The following CCDC40 variants were observed in gnomAD, a reference collection of about 807,000 sequenced individuals.
The protein encoded by CCDC40 is coiled-coil domain 40 molecular ruler complex subunit.
CCDC40 carries 104 observed loss-of-function variants against 124.5 expected under a neutral mutation model. The ratio of observed to expected loss-of-function variants is 0.84; its 90% CI spans 0.71 to 0.98. CCDC40 has a LOEUF of 0.98. CCDC40 is among the 50% of genes least tolerant of loss of function. CCDC40 has a pLI of 0.00. For missense variants in CCDC40, 1,463 were observed against 1,503.9 expected, an observed-to-expected ratio of 0.97 and a Z score of 0.45; for synonymous variants, 580 against 602.9, an observed-to-expected ratio of 0.96 and a Z score of 0.56.
intron 10 of CCDC40, among the ~76,000 whole-genome samples, chr17:80,069,084 T>C (rs1193775348): frequency 6.6e-6 from 1 of 152,120 alleles, no homozygotes; most frequent in Non-Finnish European, 1.5e-5. Context: ...TCCTCCCTCC[T>C]GACACCCATG....
intron 16 of CCDC40, among the ~76,000 whole-genome samples, chr17:80,089,226 T>A (rs546047921): frequency 1.9e-4 from 29 of 152,182 alleles, no homozygotes; most frequent in Non-Finnish European, 3.5e-4. Context: ...CGTGGGCCCA[T>A]ATCTCCCTGT....
chr17:80,086,183 C>T lies in CCDC40; in HGVS notation c.2416C>T (p.His806Tyr). 6.2e-7 allele frequency: 1 copy of T among 1,612,976 alleles called. No individual in the cohort carries two copies. The highest frequency in any genetic ancestry group is 1.3e-5 in the African/African-American group (1 of 74,990). The change falls in exon 14 of 20, where the codon CAC (histidine) becomes TAC (tyrosine). Residue 806 changes from histidine to tyrosine, a missense_variant. Coordinates refer to ENST00000397545, the MANE Select transcript of CCDC40 (RefSeq NM_017950.4). The surrounding 1 kb of genome is among the most constrained non-coding windows in gnomAD (Gnocchi z 5.5). The part of the protein sequence containing the change: ...ASLDASKKEL[H>Y]IMEQKKLRVE... ...CCTGGACGCATCCAAGAAGGAGCTC[C>T]ACATCATGGAGCAGAAGAAACTACG...
rs777362493 is a variant in CCDC40 at position 80,050,094 on chromosome 17, C to T, written c.970C>T (p.Arg324Trp). The T allele has an allele frequency of 7.4e-6, 12 of 1,613,966 alleles. No homozygotes were observed. The highest frequency in any genetic ancestry group is 3.3e-5 in the South Asian group (3 of 91,068). ...VVATKQSRAQRQELGVNLYEV... is the reference protein window; with the variant it reads ...VVATKQSRAQWQELGVNLYEV... ...GGCTACCAAGCAGAGCCGAGCCCAG[C>T]GGCAGGAGCTGGGGGTGAATCTCTA... The change falls in exon 7 of 20, where the codon CGG (arginine) becomes TGG (tryptophan). Residue 324 changes from arginine (R) to tryptophan (W), a missense_variant. Coordinates refer to ENST00000397545, the MANE Select transcript of CCDC40 (RefSeq NM_017950.4).
intron 5 of CCDC40, 114 bp from the exon 6 acceptor site, chr17:80,049,792 A>G (rs2037531130): frequency 1.2e-6 from 1 of 821,518 alleles, no homozygotes; most frequent in Admixed American, 1.9e-5. Flanking sequence ...AGCACTCCAC[A>G]CGGAAGTCGT....
chr17:80,039,814 G>A lies in CCDC40; in HGVS notation c.96G>A (p.Val32=). ...TTTTTCCTGCCACACCTTTACAGGT[G>A]TCACCACCAGAGAAGGATGATGGCC... ...EKEGNNESHM[V]SPPEKDDGQK... The change falls in exon 3 of 20, where the codon GTG becomes GTA. Residue 32 remains valine (V), a splice_region_variant and synonymous_variant. Transcript: ENST00000397545. 6.2e-7 allele frequency: 1 copy of A among 1,613,474 alleles called. No homozygotes were observed.
At position 80,087,003 on chromosome 17, in the gene CCDC40, T is replaced by C. The variant is rs2038601261; in HGVS notation, c.2450-604T>C. The stretch of plus-strand genomic sequence containing the variant: ...GCTGTGAGATGGGGAGGATCACCCA[T>C]GGAGAGGGCAGAGAGAGGGGCTCAC... On this transcript the variant is annotated intron_variant, in intron 14 of 19. Transcript: ENST00000397545. This position sits in a 1 kb window ranked among gnomAD's most constrained non-coding sequence, Gnocchi z 4.5. 1.1e-5 allele frequency: 2 copies of C among 177,338 alleles called. No homozygotes were observed. Among genetic ancestry groups the C allele is most frequent in the African/African-American group, 4.7e-5 (2 of 42,186 alleles). The allele number at this position is 177,338 out of a possible 1,614,324, so 11.0% of individuals were successfully genotyped here.
At position 80,066,278 on chromosome 17, in the gene CCDC40, G is replaced by A; in HGVS notation, c.1562+672G>A. The A allele has an allele frequency of 1.5e-6, 1 of 662,122 alleles. No individual in the cohort carries two copies. The highest frequency in any genetic ancestry group is 2.8e-6 in the Non-Finnish European group (1 of 362,210). 41.0% of individuals were successfully genotyped at this position (662,122 alleles called of 1,614,324 possible). Reference sequence around the variant, plus strand: ...TGGCATACAGCAAGCGCTCAAGAAAGGCTGGACCAAGGAATGAGGGTCTGG... The same window carrying A: ...TGGCATACAGCAAGCGCTCAAGAAAAGCTGGACCAAGGAATGAGGGTCTGG... On this transcript the variant is annotated intron_variant, in intron 10 of 19. Transcript: ENST00000397545. This position sits in a 1 kb window ranked among gnomAD's most constrained non-coding sequence, Gnocchi z 4.4.
chr17:80,049,435 C>T (rs986381655), intron 5 of CCDC40, among the ~76,000 whole-genome samples: 2 of 151,678 alleles, frequency 1.3e-5, no homozygotes, highest in African/African-American at 4.8e-5. Flanking sequence ...AAAATGTCTC[C>T]AGTCATTGCC....
At position 80,087,940 on chromosome 17, in the gene CCDC40, GA is replaced by G; in HGVS notation, c.2620-70del. Reference sequence around the variant, plus strand: ...CAGCCCTGCCCTCGGTGCCGGGATAGAGGGCACCAGCCCCGGCATCCACAAT... The same window carrying G: ...CAGCCCTGCCCTCGGTGCCGGGATAGGGGCACCAGCCCCGGCATCCACAAT... On this transcript the variant is annotated intron_variant, in intron 15 of 19. Coordinates refer to ENST00000397545, the MANE Select transcript of CCDC40 (RefSeq NM_017950.4). This position sits in a 1 kb window ranked among gnomAD's most constrained non-coding sequence, Gnocchi z 4.5. The G allele has an allele frequency of 7.4e-7, 1 of 1,345,542 alleles. No individual in the cohort carries two copies. The highest frequency in any genetic ancestry group is 2.0e-4 in the Middle Eastern group (1 of 5,008). The allele number at this position is 1,345,542 out of a possible 1,614,324, so 83.4% of individuals were successfully genotyped here. A position where few individuals can be genotyped will look rare whatever the true frequency, so the allele number is the denominator to read the frequency against.
intron 10 of CCDC40, among the ~76,000 whole-genome samples, chr17:80,068,547 G>A (rs945373532): frequency 1.3e-5 from 2 of 152,098 alleles, no homozygotes; most frequent in Admixed American, 6.6e-5. Flanking sequence ...TTGACCTTGA[G>A]ATGTTCAGAT....
chr17:80,039,695 T>C, intron 2 of CCDC40, 117 bp from the exon 3 acceptor site: 1 of 1,314,026 alleles, frequency 7.6e-7, no homozygotes, highest in Non-Finnish European at 1.0e-6. Context: ...CTCTTAGTGA[T>C]GCTGAGAAGG....
At chr17:80,095,831 T>G (rs369878529) in intron 18 of CCDC40, among the ~76,000 whole-genome samples, 15 of 152,274 alleles carry the variant, frequency 9.9e-5, no homozygotes, top group South Asian at 6.2e-4. Context: ...GAGGTGGCAT[T>G]GGGAAGGCAT....
At chr17:80,097,751 G>A (rs1169257224) in intron 19 of CCDC40, 2 of 326,530 alleles carry the variant, frequency 6.1e-6, no homozygotes, top group South Asian at 5.5e-5. Context: ...ACAGTGTGTT[G>A]TAGCTAGGCA....
intron 2 of CCDC40, among the ~76,000 whole-genome samples, 172 bp downstream of exon 2, chr17:80,038,358 C>G (rs1209532801): frequency 2.0e-5 from 3 of 151,862 alleles, no homozygotes; most frequent in Non-Finnish European, 2.9e-5. Context: ...TGGTAAAACC[C>G]CATCTCTACT....
chr17:80,066,627 C>T lies in CCDC40; in HGVS notation c.1562+1021C>T, dbSNP rs1277343512. ...AAAAATTAGCCAGGCATGGTGTGGG[C>T]GCCTGTAATCCCCGCTACTCGGGAG... On this transcript the variant is annotated intron_variant, in intron 10 of 19. Coordinates refer to ENST00000397545, the MANE Select transcript of CCDC40 (RefSeq NM_017950.4). This position sits in a 1 kb window ranked among gnomAD's most constrained non-coding sequence, Gnocchi z 4.4. 3.0e-5 allele frequency: 5 copies of T among 164,816 alleles called. No individual in the cohort carries two copies. The highest frequency in any genetic ancestry group is 1.8e-4 in the East Asian group (1 of 5,632). 10.2% of individuals were successfully genotyped at this position (164,816 alleles called of 1,614,324 possible). A position where few individuals can be genotyped will look rare whatever the true frequency, so the allele number is the denominator to read the frequency against.
chr17:80,038,322 G>C, intron 2 of CCDC40, 136 bp downstream of exon 2: 1 of 646,604 alleles, frequency 1.5e-6, no homozygotes, highest in South Asian at 1.5e-5. Context: ...CATGAGGTTA[G>C]GAGTTTGAGA....
chr17:80,037,406 T>G (rs952168423), intron 1 of CCDC40, among the ~76,000 whole-genome samples: 53 of 151,964 alleles, frequency 3.5e-4, no homozygotes, highest in Non-Finnish European at 6.9e-4. Flanking sequence ...TTCATTTTTT[T>G]AAAGGTGGGT....
Position 80,048,780 on chromosome 17 carries a change from G to T in CCDC40, c.855+19G>T. Reference sequence around the variant, plus strand: ...AGACCACGTAAGGAAGCCTTCCCAGGTTTTGCTTTTGCCTACATGGATGGC... The same window carrying T: ...AGACCACGTAAGGAAGCCTTCCCAGTTTTTGCTTTTGCCTACATGGATGGC... On this transcript the variant is annotated intron_variant, in intron 5 of 19. Transcript: ENST00000397545. The T allele has an allele frequency of 1.9e-6, 3 of 1,591,990 alleles. No homozygotes were observed. The highest frequency in any genetic ancestry group is 2.6e-6 in the Non-Finnish European group (3 of 1,169,204).
At chr17:80,094,148 A>G (rs1399668368) in intron 17 of CCDC40, among the ~76,000 whole-genome samples, 1 of 151,874 alleles carries the variant, frequency 6.6e-6, no homozygotes. Context: ...GCGGTGGCTC[A>G]CGCCTGTAAT....
Sources: gnomAD v4.1 joint callset for allele counts (sites outside exome capture counted in the v4.1 genomes callset) on GRCh38, gnomAD v4.1.1 for gene constraint, Gnocchi (gnomAD v3.1) non-coding constraint, MANE v1.5 for transcripts, NCBI Gene and HGNC (gene_info 2026-07-23, HGNC 2026-07-21) for gene names.